ANK1: variants seen among roughly 807,000 people sequenced by gnomAD.
The protein encoded by ANK1 is ankyrin-1.
In ANK1, 51 loss-of-function variants were observed where a neutral mutation model predicts 210.4. That is an observed-to-expected ratio of 0.24 (90% CI 0.19 to 0.31). The LOEUF is 0.31. Among genes scored for constraint, ANK1 ranks in the 10% least tolerant of loss-of-function variants. ANK1 has a pLI of 1.00. For synonymous variants in ANK1, 967 were observed against 1,025.9 expected, an observed-to-expected ratio of 0.94 and a Z score of 1.10; for missense variants, 2,051 against 2,504.4, an observed-to-expected ratio of 0.82 and a Z score of 3.86.
chr8:41,714,618 T>A (rs1827109704), intron 15 of ANK1, among the ~76,000 whole-genome samples: 2 of 152,096 alleles, frequency 1.3e-5, no homozygotes, highest in South Asian at 2.1e-4. Flanking sequence ...CCCAGAGCTA[T>A]GGGAGGCTGA....
At chr8:41,880,165 A>C (rs1410564877) in intron 1 of ANK1, among the ~76,000 whole-genome samples, 2 of 152,248 alleles carry the variant, frequency 1.3e-5, no homozygotes. Flanking sequence ...ATTAAATGAA[A>C]TTCAAATTTC....
chr8:41,818,709 C>G (rs1160887559), intron 1 of ANK1, among the ~76,000 whole-genome samples: 1 of 151,766 alleles, frequency 6.6e-6, no homozygotes, highest in Non-Finnish European at 1.5e-5. Flanking sequence ...GTCTTGAACT[C>G]GTGGGTTTCA....
At chr8:41,868,645 G>T (rs1814923880) in intron 1 of ANK1, among the ~76,000 whole-genome samples, 1 of 152,146 alleles carries the variant, frequency 6.6e-6, no homozygotes. Context: ...CTTCTGGTAG[G>T]AATCTTAAAT....
chr8:41,727,118 G>C (rs1395326874), intron 5 of ANK1, 132 bp downstream of exon 5: 15 of 747,140 alleles, frequency 2.0e-5, no homozygotes, highest in South Asian at 8.8e-5. Context: ...CTCTGGATTA[G>C]TGCAGCGACC....
Position 41,655,549 on chromosome 8 carries a change from G to T in ANK1, c.*241C>A, listed in dbSNP as rs1805368307. ...TGGTTCCGACAGATCAGCTGTCATT[G>T]CAAGAGGCAGGATTGAAGCCTGGAG... On this transcript the variant is annotated 3_prime_UTR_variant, in exon 43 of 43. Coordinates refer to ENST00000289734, the MANE Select transcript of ANK1 (RefSeq NM_000037.4). 1 of 702,012 alleles carries T rather than the reference G, an allele frequency of 1.4e-6. No individual in the cohort carries two copies. Among genetic ancestry groups the T allele is most frequent in the Non-Finnish European group, 2.4e-6 (1 of 410,852 alleles). The allele number at this position is 702,012 out of a possible 1,614,324, so 43.5% of individuals were successfully genotyped here. A position where few individuals can be genotyped will look rare whatever the true frequency, so the allele number is the denominator to read the frequency against.
intron 1 of ANK1, among the ~76,000 whole-genome samples, chr8:41,816,153 A>G (rs1803289461): frequency 6.6e-6 from 1 of 152,236 alleles, no homozygotes; most frequent in Non-Finnish European, 1.5e-5. Flanking sequence ...CATTAGATAA[A>G]GCTAGCCATC....
At chr8:41,790,987 C>G (rs1422831097) in intron 1 of ANK1, among the ~76,000 whole-genome samples, 1 of 152,126 alleles carries the variant, frequency 6.6e-6, no homozygotes, top group Non-Finnish European at 1.5e-5. Flanking sequence ...AGCTCCCCCA[C>G]CCAGAGGAGA....
chr8:41,823,725 C>T (rs986525295), intron 1 of ANK1, among the ~76,000 whole-genome samples: 2 of 151,770 alleles, frequency 1.3e-5, no homozygotes, highest in Non-Finnish European at 2.9e-5. Flanking sequence ...GATTATGCCA[C>T]TGTATTCCAG....
Position 41,704,247 on chromosome 8 carries a change from AT to A in ANK1, c.2197-109del. 4 of 1,366,686 alleles carry A rather than the reference AT, an allele frequency of 2.9e-6. No homozygotes were observed. Among genetic ancestry groups the A allele is most frequent in the Non-Finnish European group, 4.2e-6 (4 of 957,994 alleles). The allele number at this position is 1,366,686 out of a possible 1,614,324, so 84.7% of individuals were successfully genotyped here. A position where few individuals can be genotyped will look rare whatever the true frequency, so the allele number is the denominator to read the frequency against. On this transcript the variant is annotated intron_variant, in intron 19 of 42. Coordinates refer to ENST00000289734, the MANE Select transcript of ANK1 (RefSeq NM_000037.4). This position sits in a 1 kb window ranked among gnomAD's most constrained non-coding sequence, Gnocchi z 4.1. The stretch of plus-strand genomic sequence containing the variant: ...TCGAAGTGGGACATTAATGAAATGC[AT>A]TTTCCCCCTTTCTTCCTTCAGGGTC...
At chr8:41,845,904 G>C (rs1195706349) in intron 1 of ANK1, among the ~76,000 whole-genome samples, 1 of 152,178 alleles carries the variant, frequency 6.6e-6, no homozygotes, top group Admixed American at 6.5e-5. Flanking sequence ...TGATATATCA[G>C]GGTCACCAAA....
intron 1 of ANK1, among the ~76,000 whole-genome samples, chr8:41,788,506 C>A (rs1048342644): frequency 1.3e-5 from 2 of 152,174 alleles, no homozygotes; most frequent in African/African-American, 4.8e-5. Flanking sequence ...AGTCAATATC[C>A]CCAATAAACA....
chr8:41,687,652 AC>A (rs1818072675), intron 35 of ANK1, among the ~76,000 whole-genome samples: 1 of 151,886 alleles, frequency 6.6e-6, no homozygotes. Flanking sequence ...CACCGCTGCA[AC>A]CCCGTGTCTC....
At chr8:41,663,114 C>CTCTCTCTCTG (rs1554517870) in intron 40 of ANK1, among the ~76,000 whole-genome samples, 11 of 145,236 alleles carry the variant, frequency 7.6e-5, no homozygotes, top group Admixed American at 2.1e-4. Flanking sequence ...CTCTCTCTCT[C>CTCTCTCTCTG]TGTGTGTGTG....
At chr8:41,749,863 C>T (rs1466619228) in intron 2 of ANK1, among the ~76,000 whole-genome samples, 1 of 152,194 alleles carries the variant, frequency 6.6e-6, no homozygotes, top group African/African-American at 2.4e-5. Flanking sequence ...CTGCCCGCCT[C>T]GGCTTCCCAA....
At chr8:41,757,554 ACCAGCC>A (rs1325380413) in intron 2 of ANK1, among the ~76,000 whole-genome samples, 1 of 152,160 alleles carries the variant, frequency 6.6e-6, no homozygotes, top group African/African-American at 2.4e-5. Context: ...CAGCCTCTGC[ACCAGCC>A]CCACCATCCT....
At chr8:41,688,426 A>G in intron 34 of ANK1, 85 bp downstream of exon 34, 1 of 1,531,012 alleles carries the variant, frequency 6.5e-7, no homozygotes, top group Non-Finnish European at 9.0e-7. Flanking sequence ...CCTCAGCAGA[A>G]CCCTCACAGG....
intron 24 of ANK1, among the ~76,000 whole-genome samples, chr8:41,697,105 G>C (rs932564392): frequency 3.9e-5 from 6 of 152,124 alleles, no homozygotes; most frequent in African/African-American, 1.4e-4. Flanking sequence ...CTCCAGCTCT[G>C]CCCATGGGGA....
intron 1 of ANK1, among the ~76,000 whole-genome samples, chr8:41,761,144 T>C (rs953801010): frequency 7.1e-5 from 9 of 127,474 alleles, no homozygotes; most frequent in African/African-American, 3.3e-4. Flanking sequence ...CACACACACA[T>C]GCATGCACAT....
chr8:41,861,375 C>A (rs1813243067), intron 1 of ANK1, among the ~76,000 whole-genome samples: 1 of 152,234 alleles, frequency 6.6e-6, no homozygotes, highest in South Asian at 2.1e-4. Context: ...TTTGGGAACA[C>A]TGCAGGACAG....
Sources: allele counts gnomAD v4.1 joint callset (sites outside exome capture counted in the v4.1 genomes callset), GRCh38; gene constraint gnomAD v4.1.1; non-coding constraint Gnocchi (gnomAD v3.1); transcripts MANE v1.5; gene names NCBI Gene and HGNC (gene_info 2026-07-23, HGNC 2026-07-21).